Variants in KIRREL3 observed in about 807,000 individuals in gnomAD.
The protein encoded by KIRREL3 is kin of IRRE-like protein 3.
KIRREL3 carries 36 observed loss-of-function variants against 89.7 expected under a neutral mutation model. The ratio of observed to expected loss-of-function variants is 0.40; its 90% CI spans 0.31 to 0.53. The LOEUF is 0.53. Among genes scored for constraint, KIRREL3 ranks in the 20% least tolerant of loss-of-function variants. The pLI, the probability that KIRREL3 is intolerant of heterozygous loss-of-function variation, is 0.49. For missense variants in KIRREL3, 864 were observed against 1,056.6 expected (o/e 0.82, Z 2.53); for synonymous variants, 445 against 441.4 (o/e 1.01, Z -0.10).
intron 1 of KIRREL3, among the ~76,000 whole-genome samples, chr11:126,929,651 G>A (rs1003726702): frequency 2.6e-5 from 4 of 152,230 alleles, no homozygotes; most frequent in African/African-American, 7.2e-5. Context: ...TTCCATCCAG[G>A]AAGCAGGCTG....
chr11:126,467,150 T>A (rs1364997955), intron 5 of KIRREL3, among the ~76,000 whole-genome samples: 3 of 152,200 alleles, frequency 2.0e-5, no homozygotes, highest in African/African-American at 7.2e-5. Flanking sequence ...CTTTGGGTGT[T>A]CATGGGCCTC....
Position 126,736,836 on chromosome 11 carries a change from C to T in KIRREL3, c.56-173924G>A, listed in dbSNP as rs948938687. ...CTGCTGGGAATCACCATACATCCCC[C>T]ACAGTCCTCCCCCACCCTGTGCTGC... On this transcript the variant is annotated intron_variant, in intron 1 of 16. Transcript: ENST00000525144. The surrounding 1 kb of genome is among the most constrained non-coding windows in gnomAD (Gnocchi z 5.0). Among the ~76,000 whole-genome samples, 1 of 152,204 alleles carries T rather than the reference C, an allele frequency of 6.6e-6. No homozygotes were observed. Among genetic ancestry groups the T allele is most frequent in the African/African-American group, 2.4e-5 (1 of 41,452 alleles).
At chr11:126,762,133 A>G (rs1946077) in intron 1 of KIRREL3, among the ~76,000 whole-genome samples, 94,346 of 151,940 alleles carry the variant, frequency 0.62, 30,541 homozygotes, top group African/African-American at 0.77. Context: ...TGAGGTCACA[A>G]CATTGCACTC....
rs571187753 is a variant in KIRREL3, at chr11:126,639,953, T to A, written c.56-77041A>T. Among the ~76,000 whole-genome samples the A allele has an allele frequency of 6.6e-6, 1 of 152,330 alleles. No individual in the cohort carries two copies. Among genetic ancestry groups the A allele is most frequent in the South Asian group, 2.1e-4 (1 of 4,824 alleles). Reference sequence around the variant, plus strand: ...CACTTTAATATAGATATCCATTAACTTATGCTAAATTACAGTAAAGCATCT... The same window carrying A: ...CACTTTAATATAGATATCCATTAACATATGCTAAATTACAGTAAAGCATCT... On this transcript the variant is annotated intron_variant, in intron 1 of 16. Transcript: ENST00000525144. This position sits in a 1 kb window ranked among gnomAD's most constrained non-coding sequence, Gnocchi z 4.3.
At chr11:126,548,293 G>A (rs776991652) in intron 2 of KIRREL3, among the ~76,000 whole-genome samples, 7 of 152,222 alleles carry the variant, frequency 4.6e-5, no homozygotes, top group Non-Finnish European at 4.4e-5. Context: ...CGACCATCCC[G>A]CGTCTTCAGG....
rs77607546 is a variant in KIRREL3 at position 126,977,327 on chromosome 11, G to A, written c.55+23128C>T. On this transcript the variant is annotated intron_variant, in intron 1 of 16. Transcript: ENST00000525144. The surrounding 1 kb of genome is among the most constrained non-coding windows in gnomAD (Gnocchi z 4.7). Reference sequence around the variant, plus strand: ...CTTTCCTTCTTCATCAGGATCATTCGTTTGGTGCTGTCAAAACACTGAAGC... The same window carrying A: ...CTTTCCTTCTTCATCAGGATCATTCATTTGGTGCTGTCAAAACACTGAAGC... Among the ~76,000 whole-genome samples, 2,172 of 152,074 alleles carry A rather than the reference G, an allele frequency of 0.014. 29 individuals carry two copies. The highest frequency in any genetic ancestry group is 0.068 in the Middle Eastern group (20 of 292).
At position 126,994,810 on chromosome 11, in the gene KIRREL3, G is replaced by T. The variant is rs769501171; in HGVS notation, c.55+5645C>A. 6.6e-5 allele frequency among the ~76,000 whole-genome samples: 10 copies of T among 152,262 alleles called. No homozygotes were observed. The highest frequency in any genetic ancestry group is 1.5e-4 in the Non-Finnish European group (10 of 68,014). On this transcript the variant is annotated intron_variant, in intron 1 of 16. Coordinates refer to ENST00000525144, the MANE Select transcript of KIRREL3 (RefSeq NM_032531.4). This position sits in a 1 kb window ranked among gnomAD's most constrained non-coding sequence, Gnocchi z 5.2. ...TATGGCACAGTGTGCTTTCTGAGAG[G>T]ACTGAAGCCCTTCCGTGCTTCATAA...
At chr11:126,859,990 C>T (rs1294712073) in intron 1 of KIRREL3, among the ~76,000 whole-genome samples, 1 of 152,114 alleles carries the variant, frequency 6.6e-6, no homozygotes, top group African/African-American at 2.4e-5. Flanking sequence ...CTTTTCTGCT[C>T]TGATTTACCT....
rs1268763218 is a variant in KIRREL3, at chr11:126,787,991, A to T, written c.55+212464T>A. Among the ~76,000 whole-genome samples, 7 of 152,048 alleles carry T rather than the reference A, an allele frequency of 4.6e-5. No homozygotes were observed. The East Asian group carries it at 7.7e-4, about 17-fold the overall frequency. On this transcript the variant is annotated intron_variant, in intron 1 of 16. Transcript: ENST00000525144. The stretch of plus-strand genomic sequence containing the variant: ...TGATGTAGCTTCTATTATCATCATC[A>T]CCCCCATTTTACAGGCAGGGAAGCT...
At chr11:126,596,261 T>G (rs1295987500) in intron 1 of KIRREL3, among the ~76,000 whole-genome samples, 1 of 148,516 alleles carries the variant, frequency 6.7e-6, no homozygotes, top group African/African-American at 2.5e-5. Context: ...TCCTTAGATC[T>G]AACACAGCAC....
At chr11:126,863,081 G>A (rs928184905) in intron 1 of KIRREL3, among the ~76,000 whole-genome samples, 1 of 152,248 alleles carries the variant, frequency 6.6e-6, no homozygotes, top group Non-Finnish European at 1.5e-5. Flanking sequence ...TGTCTGAAAG[G>A]CTGTCAGCAC....
At chr11:126,836,554 G>A (rs1348690659) in intron 1 of KIRREL3, among the ~76,000 whole-genome samples, 1 of 152,166 alleles carries the variant, frequency 6.6e-6, no homozygotes, top group African/African-American at 2.4e-5. Context: ...GACTCCTAGA[G>A]GATAAAGTTC....
chr11:126,564,858 A>G lies in KIRREL3; in HGVS notation c.56-1946T>C, dbSNP rs1426465500. On this transcript the variant is annotated intron_variant, in intron 1 of 16. Coordinates refer to ENST00000525144, the MANE Select transcript of KIRREL3 (RefSeq NM_032531.4). The surrounding 1 kb of genome is among the most constrained non-coding windows in gnomAD (Gnocchi z 7.4). Reference sequence around the variant, plus strand: ...ACAATAGCCTCTCGAGGGAGACTGTATTGAAACCTCAACACGCTGACGACA... The same window carrying G: ...ACAATAGCCTCTCGAGGGAGACTGTGTTGAAACCTCAACACGCTGACGACA... 6.6e-6 allele frequency among the ~76,000 whole-genome samples: 1 copy of G among 152,236 alleles called. No homozygotes were observed. The highest frequency in any genetic ancestry group is 1.5e-5 in the Non-Finnish European group (1 of 68,040).
At chr11:126,882,486 T>C (rs564692810) in intron 1 of KIRREL3, among the ~76,000 whole-genome samples, 1 of 152,040 alleles carries the variant, frequency 6.6e-6, no homozygotes, top group East Asian at 1.9e-4. Context: ...GTCCACCCTG[T>C]CCCATGCAAT....
At chr11:126,597,923 A>C (rs1351274355) in intron 1 of KIRREL3, among the ~76,000 whole-genome samples, 1 of 152,240 alleles carries the variant, frequency 6.6e-6, no homozygotes, top group Non-Finnish European at 1.5e-5. Context: ...CAGCCACTTA[A>C]GTCACCCATA....
rs915201283 is a variant in KIRREL3, at chr11:126,521,910, A to T, written c.284-446T>A. On this transcript the variant is annotated intron_variant, in intron 3 of 16. Coordinates refer to ENST00000525144, the MANE Select transcript of KIRREL3 (RefSeq NM_032531.4). This position sits in a 1 kb window ranked among gnomAD's most constrained non-coding sequence, Gnocchi z 4.1. ...CAGACATGCACCACCACGTCGGCTA[A>T]TTTTTTTATCTTTTGTAGAGATGGG... Among the ~76,000 whole-genome samples the T allele has an allele frequency of 6.6e-6, 1 of 152,042 alleles. No individual in the cohort carries two copies. Among genetic ancestry groups the T allele is most frequent in the Non-Finnish European group, 1.5e-5 (1 of 67,974 alleles).
intron 6 of KIRREL3, among the ~76,000 whole-genome samples, chr11:126,458,834 T>C (rs1591574411): frequency 6.6e-6 from 1 of 152,186 alleles, no homozygotes; most frequent in South Asian, 2.1e-4. Flanking sequence ...TTACAAGGAA[T>C]AGCCACGAGA....
rs542824576 is a variant in KIRREL3 at position 126,844,683 on chromosome 11, T to A, written c.55+155772A>T. Among the ~76,000 whole-genome samples the A allele has an allele frequency of 1.3e-5, 2 of 152,304 alleles. No individual in the cohort carries two copies. The highest frequency in any genetic ancestry group is 4.1e-4 in the South Asian group (2 of 4,826). Reference sequence around the variant, plus strand: ...TAGAGGCCTCTCTTGGTAAAGTCTCTCTCAGCTAAGAATGGGTTTGGCACT... The same window carrying A: ...TAGAGGCCTCTCTTGGTAAAGTCTCACTCAGCTAAGAATGGGTTTGGCACT... On this transcript the variant is annotated intron_variant, in intron 1 of 16. Coordinates refer to ENST00000525144, the MANE Select transcript of KIRREL3 (RefSeq NM_032531.4). This position sits in a 1 kb window ranked among gnomAD's most constrained non-coding sequence, Gnocchi z 4.8.
At chr11:126,873,741 C>T (rs1012763625) in intron 1 of KIRREL3, among the ~76,000 whole-genome samples, 3 of 152,210 alleles carry the variant, frequency 2.0e-5, no homozygotes, top group Non-Finnish European at 1.5e-5. Context: ...GGCATCTGTC[C>T]AGCCTCATCC....
Sources: allele counts gnomAD v4.1 joint callset (sites outside exome capture counted in the v4.1 genomes callset), GRCh38; gene constraint gnomAD v4.1.1; non-coding constraint Gnocchi (gnomAD v3.1); transcripts MANE v1.5; gene names NCBI Gene and HGNC (gene_info 2026-07-23, HGNC 2026-07-21).